The following PITPNC1 variants were observed in gnomAD, a reference collection of about 807,000 sequenced individuals.
PITPNC1 encodes the protein phosphatidylinositol transfer protein cytoplasmic 1.
A neutral mutation model predicts 44.7 loss-of-function variants in PITPNC1; 18 were observed. The observed-to-expected ratio is 0.40, with a 90% CI of 0.28 to 0.60. PITPNC1 has a LOEUF of 0.60. Ranked by LOEUF, PITPNC1 falls within the 20% of genes least tolerant of loss-of-function variation. PITPNC1 has a pLI of 0.39. For missense variants in PITPNC1, 290 were observed against 418.4 expected (o/e 0.69, Z 2.68); for synonymous variants, 141 against 149.6 (o/e 0.94, Z 0.42).
intron 1 of PITPNC1, among the ~76,000 whole-genome samples, chr17:67,406,380 C>T (rs2038401623): frequency 6.6e-6 from 1 of 152,100 alleles, no homozygotes; most frequent in Non-Finnish European, 1.5e-5. Flanking sequence ...TTCCCTGTTT[C>T]CCCAACCACT....
At chr17:67,665,023 T>C (rs2042402333) in intron 6 of PITPNC1, among the ~76,000 whole-genome samples, 1 of 152,204 alleles carries the variant, frequency 6.6e-6, no homozygotes, top group Non-Finnish European at 1.5e-5. Context: ...ATGTGTATTG[T>C]TTCCCTTTTT....
In PITPNC1 at chr17:67,568,111, A is replaced by G. The variant is rs139588776; in HGVS notation, c.295-10075A>G. On this transcript the variant is annotated intron_variant, in intron 4 of 8. Transcript: ENST00000581322. ...AAAAAATAGAAACAAATGTTCATCAACTGATAAATGGAGAAATCAGATGTA... is the reference window on the plus strand; with the variant it reads ...AAAAAATAGAAACAAATGTTCATCAGCTGATAAATGGAGAAATCAGATGTA... Among the ~76,000 whole-genome samples, 35 of 152,340 alleles carry G rather than the reference A, an allele frequency of 2.3e-4. 1 individual carries two copies. The East Asian group carries it at 6.7e-3, about 29-fold the overall frequency.
intron 5 of PITPNC1, among the ~76,000 whole-genome samples, chr17:67,609,358 C>T (rs1379250365): frequency 2.2e-4 from 33 of 148,430 alleles, no homozygotes; most frequent in Middle Eastern, 3.5e-3. Flanking sequence ...GGCGCAATCT[C>T]GGCTTACTGC....
intron 1 of PITPNC1, among the ~76,000 whole-genome samples, chr17:67,397,560 G>T (rs1301132959): frequency 6.6e-6 from 1 of 152,138 alleles, no homozygotes. Flanking sequence ...GGATTTTAGG[G>T]CTGGAGTCCA....
intron 1 of PITPNC1, among the ~76,000 whole-genome samples, chr17:67,526,976 G>A (rs111879222): frequency 0.016 from 2,502 of 152,158 alleles, 21 homozygotes; most frequent in African/African-American, 0.032. Flanking sequence ...GGTTCAGTCT[G>A]CAGCATGGAA....
intron 1 of PITPNC1, chr17:67,457,367 CTGTTTTT>C (rs57890803): frequency 0.026 from 3,900 of 151,758 alleles, 140 homozygotes; most frequent in African/African-American, 0.076. Context: ...ATCTCTCTGG[CTGTTTTT>C]TGTTTTTTGT....
intron 4 of PITPNC1, among the ~76,000 whole-genome samples, chr17:67,572,470 G>GT (rs1185996758): frequency 3.0e-5 from 2 of 67,628 alleles, no homozygotes; most frequent in Admixed American, 3.3e-4. Context: ...GGGTAAAGCG[G>GT]GGGGGGGGGG....
intron 1 of PITPNC1, among the ~76,000 whole-genome samples, chr17:67,415,299 C>T (rs974032632): frequency 7.9e-5 from 12 of 152,186 alleles, no homozygotes; most frequent in Admixed American, 5.2e-4. Context: ...TTCTCATTGT[C>T]CCTGCCATAC....
intron 1 of PITPNC1, among the ~76,000 whole-genome samples, chr17:67,447,966 G>A (rs911419334): frequency 4.5e-4 from 68 of 149,566 alleles, no homozygotes; most frequent in Non-Finnish European, 1.6e-4. Flanking sequence ...CTTTCTTTCA[G>A]ATGGGGTCTT....
Position 67,605,364 on chromosome 17 carries a change from T to C in PITPNC1, c.367-26779T>C, listed in dbSNP as rs1598877300. On this transcript the variant is annotated intron_variant, in intron 5 of 8. Transcript: ENST00000581322. ...TCTTTGTCCTGAACCGTTTACGGAT[T>C]TTCCATGGTCTGCAAGACCTTGGAC... Among the ~76,000 whole-genome samples the C allele has an allele frequency of 3.3e-5, 5 of 152,288 alleles. No individual in the cohort carries two copies. In the East Asian group the frequency reaches 9.6e-4, roughly 29 times the overall value.
chr17:67,385,494 C>T (rs941061663), intron 1 of PITPNC1, among the ~76,000 whole-genome samples: 18 of 141,678 alleles, frequency 1.3e-4, no homozygotes, highest in African/African-American at 4.3e-4. Context: ...CCCCTCCCCT[C>T]CCCCCAGGCA....
intron 2 of PITPNC1, among the ~76,000 whole-genome samples, chr17:67,533,414 A>C (rs1451849004): frequency 6.6e-6 from 1 of 152,096 alleles, no homozygotes; most frequent in African/African-American, 2.4e-5. Flanking sequence ...GCGAAATGTG[A>C]TCTTAAGAAT....
intron 5 of PITPNC1, among the ~76,000 whole-genome samples, chr17:67,616,177 G>A (rs550987790): frequency 2.0e-5 from 3 of 152,140 alleles, no homozygotes; most frequent in Admixed American, 2.0e-4. Flanking sequence ...TTTCATTCTT[G>A]TCGCCCAGGC....
intron 6 of PITPNC1, among the ~76,000 whole-genome samples, chr17:67,660,929 G>T (rs1205992976): frequency 6.6e-6 from 1 of 151,268 alleles, no homozygotes; most frequent in African/African-American, 2.4e-5. Flanking sequence ...TGCGATCTTG[G>T]CTTGCTGCAA....
chr17:67,385,506 C>T (rs1467066383), intron 1 of PITPNC1, among the ~76,000 whole-genome samples: 2 of 147,230 alleles, frequency 1.4e-5, no homozygotes, highest in Non-Finnish European at 3.0e-5. Flanking sequence ...CCCCAGGCAC[C>T]TTCCAGGCTG....
At chr17:67,530,212 C>T (rs936391865) in intron 1 of PITPNC1, among the ~76,000 whole-genome samples, 1 of 148,962 alleles carries the variant, frequency 6.7e-6, no homozygotes, top group Non-Finnish European at 1.5e-5. Context: ...CTGCCTCAGA[C>T]TTCCAAGTAG....
At chr17:67,425,144 A>C (rs2038728470) in intron 1 of PITPNC1, among the ~76,000 whole-genome samples, 1 of 148,720 alleles carries the variant, frequency 6.7e-6, no homozygotes, top group Non-Finnish European at 1.5e-5. Context: ...CTCTTTTCGG[A>C]CTCAGCCCGC....
At chr17:67,677,419 G>A (rs182169693) in intron 8 of PITPNC1, among the ~76,000 whole-genome samples, 2 of 152,092 alleles carry the variant, frequency 1.3e-5, no homozygotes, top group East Asian at 3.9e-4. Context: ...CTGATCAAGA[G>A]GACAGAATAA....
intron 7 of PITPNC1, among the ~76,000 whole-genome samples, chr17:67,672,363 A>C (rs903369001): frequency 6.6e-6 from 1 of 151,910 alleles, no homozygotes; most frequent in African/African-American, 2.4e-5. Context: ...TGAGAGGCCG[A>C]GGCAGGCAGA....
Sources: gnomAD v4.1 joint callset for allele counts (sites outside exome capture counted in the v4.1 genomes callset) on GRCh38, gnomAD v4.1.1 for gene constraint, MANE v1.5 for transcripts, NCBI Gene and HGNC (gene_info 2026-07-23, HGNC 2026-07-21) for gene names.